The following MAP1LC3B2 variants were observed in gnomAD, a reference collection of about 807,000 sequenced individuals.
The protein encoded by MAP1LC3B2 is microtubule associated protein 1 light chain 3 beta 2, also known as microtubule-associated protein 1 light chain 3 beta 2.
For synonymous variants in MAP1LC3B2, 62 were observed against 57.8 expected (o/e 1.07, Z -0.33); for missense variants, 155 against 154.6 (o/e 1.00, Z -0.01).
At chr12:116,564,308 T>C (rs546419137) in intron 1 of MAP1LC3B2, among the ~76,000 whole-genome samples, 90 of 152,338 alleles carry the variant, frequency 5.9e-4, no homozygotes, top group African/African-American at 2.1e-3. Flanking sequence ...ACAATGTAGA[T>C]GCTGTGCAGC....
chr12:116,568,031 G>C (rs1468987615), intron 1 of MAP1LC3B2, among the ~76,000 whole-genome samples: 1 of 152,198 alleles, frequency 6.6e-6, no homozygotes, highest in Admixed American at 6.5e-5. Flanking sequence ...TTGAACGAAA[G>C]AATGATTAAG....
At chr12:116,572,553 A>G (rs2136963778) in intron 1 of MAP1LC3B2, among the ~76,000 whole-genome samples, 1 of 152,086 alleles carries the variant, frequency 6.6e-6, no homozygotes, top group East Asian at 1.9e-4. Flanking sequence ...TTTAGTAGAG[A>G]CAGGGTTTCA....
chr12:116,574,046 A>C (rs548328251), intron 1 of MAP1LC3B2, among the ~76,000 whole-genome samples: 1 of 152,306 alleles, frequency 6.6e-6, no homozygotes, highest in East Asian at 1.9e-4. Context: ...GTGAGGGTGT[A>C]AGAAATCCAG....
At chr12:116,571,280 C>A (rs1336783680) in intron 1 of MAP1LC3B2, among the ~76,000 whole-genome samples, 1 of 152,082 alleles carries the variant, frequency 6.6e-6, no homozygotes, top group Non-Finnish European at 1.5e-5. Flanking sequence ...AAAACACTAG[C>A]ATTTTAAAGG....
At chr12:116,559,475 A>T (rs1263710874) in intron 1 of MAP1LC3B2, 42 bp downstream of exon 1, 1 of 152,324 alleles carries the variant, frequency 6.6e-6, no homozygotes, top group African/African-American at 2.4e-5. Flanking sequence ...GGTGGAAATC[A>T]TGACCTTTGA....
chr12:116,572,721 A>G (rs1004945946), intron 1 of MAP1LC3B2, among the ~76,000 whole-genome samples: 5 of 152,194 alleles, frequency 3.3e-5, no homozygotes, highest in Non-Finnish European at 5.9e-5. Context: ...TCTTCACAGA[A>G]TACTTGTTAA....
chr12:116,563,517 A>C (rs1869319126), intron 1 of MAP1LC3B2, among the ~76,000 whole-genome samples: 1 of 152,106 alleles, frequency 6.6e-6, no homozygotes, highest in Admixed American at 6.5e-5. Context: ...ATGTATTTTT[A>C]CCTTGGCTGC....
chr12:116,573,505 T>G (rs1391706527), intron 1 of MAP1LC3B2, among the ~76,000 whole-genome samples: 2 of 152,046 alleles, frequency 1.3e-5, no homozygotes, highest in East Asian at 3.8e-4. Flanking sequence ...ATCGTCTTCC[T>G]TTTTCTTTTT....
intron 1 of MAP1LC3B2, among the ~76,000 whole-genome samples, chr12:116,562,577 A>G (rs1415115707): frequency 6.6e-6 from 1 of 152,252 alleles, no homozygotes; most frequent in Non-Finnish European, 1.5e-5. Context: ...AAAGTCACAT[A>G]AATCTCAAGG....
chr12:116,560,693 T>G (rs1459638157), intron 1 of MAP1LC3B2, among the ~76,000 whole-genome samples: 1 of 152,142 alleles, frequency 6.6e-6, no homozygotes, highest in Non-Finnish European at 1.5e-5. Flanking sequence ...TAAATTAATT[T>G]TAGGATCTCA....
At chr12:116,560,228 A>ATG (rs1242651739) in intron 1 of MAP1LC3B2, 25 of 111,486 alleles carry the variant, frequency 2.2e-4, no homozygotes, top group African/African-American at 7.6e-4. Context: ...ATATATATAT[A>ATG]TATATATATA....
chr12:116,573,028 G>A (rs547829953), intron 1 of MAP1LC3B2, among the ~76,000 whole-genome samples: 1 of 151,702 alleles, frequency 6.6e-6, no homozygotes, highest in African/African-American at 2.4e-5. Context: ...GGGTTCAAGC[G>A]ATTCTCCTGC....
At chr12:116,573,453 CAAAT>C (rs1409444355) in intron 1 of MAP1LC3B2, among the ~76,000 whole-genome samples, 5 of 152,260 alleles carry the variant, frequency 3.3e-5, no homozygotes, top group African/African-American at 4.8e-5. Context: ...ACAGCATAAA[CAAAT>C]AAAAGATTTG....
At position 116,570,033 on chromosome 12, in the gene MAP1LC3B2, A is replaced by G. The variant is rs1231539647; in HGVS notation, c.-101-5809A>G. 7.2e-5 allele frequency among the ~76,000 whole-genome samples: 11 copies of G among 152,282 alleles called. No individual in the cohort carries two copies. The South Asian group carries it at 1.9e-3, about 26-fold the overall frequency. On this transcript the variant is annotated intron_variant, in intron 1 of 1. Coordinates refer to ENST00000556529, the MANE Select transcript of MAP1LC3B2 (RefSeq NM_001085481.3). ...CGCGCCACTGCACTCCAGCCTGGCC[A>G]CAGAGTGAGACTCCATCTCAAAAAT...
intron 1 of MAP1LC3B2, among the ~76,000 whole-genome samples, chr12:116,564,567 C>T (rs1279784552): frequency 6.6e-6 from 1 of 152,076 alleles, no homozygotes; most frequent in Non-Finnish European, 1.5e-5. Flanking sequence ...TTGAATGTCC[C>T]CCAGTCCCAT....
In MAP1LC3B2 at chr12:116,576,034, T is replaced by C; in HGVS notation, c.92T>C (p.Ile31Thr). ...RLIREQHPTK[I>T]PVIIERYKGE... is the part of the protein sequence containing the mutation. ...ATTCGAGAGCAGCATCCAACCAAAA[T>C]CCCGGTGATAATAGAACGATACAAG... is the stretch of plus-strand genomic sequence containing the variant. The change falls in exon 2 of 2, where the codon ATC becomes ACC. Residue 31 changes from isoleucine (I) to threonine (T), a missense_variant. By Grantham distance (89) the Ile-to-Thr change is moderately conservative. Coordinates refer to ENST00000556529, the MANE Select transcript of MAP1LC3B2 (RefSeq NM_001085481.3). The C allele has an allele frequency of 6.2e-7, 1 of 1,614,100 alleles. No homozygotes were observed. Among genetic ancestry groups the C allele is most frequent in the Non-Finnish European group, 8.5e-7 (1 of 1,180,014 alleles).
At chr12:116,561,487 T>G (rs1222506541) in intron 1 of MAP1LC3B2, among the ~76,000 whole-genome samples, 1 of 152,174 alleles carries the variant, frequency 6.6e-6, no homozygotes, top group Admixed American at 6.5e-5. Flanking sequence ...GCTGAAAACA[T>G]TCACAGCATC....
chr12:116,563,991 C>A (rs1381050374), intron 1 of MAP1LC3B2, among the ~76,000 whole-genome samples: 1 of 152,046 alleles, frequency 6.6e-6, no homozygotes, highest in African/African-American at 2.4e-5. Flanking sequence ...GCAATTCTCC[C>A]ACCTCAGCCT....
At chr12:116,561,561 G>A (rs1869271710) in intron 1 of MAP1LC3B2, among the ~76,000 whole-genome samples, 1 of 152,154 alleles carries the variant, frequency 6.6e-6, no homozygotes, top group Non-Finnish European at 1.5e-5. Context: ...AGCAGGATGG[G>A]GCCTTGAGGA....
Sources: gnomAD v4.1 joint callset for allele counts (sites outside exome capture counted in the v4.1 genomes callset) on GRCh38, gnomAD v4.1.1 for gene constraint, MANE v1.5 for transcripts, NCBI Gene and HGNC (gene_info 2026-07-23, HGNC 2026-07-21) for gene names.